Variants in PELI2 observed in about 807,000 individuals in gnomAD.
PELI2 encodes the protein pellino E3 ubiquitin protein ligase family member 2.
A neutral mutation model predicts 42.3 loss-of-function variants in PELI2; 23 were observed. The ratio of observed to expected loss-of-function variants is 0.54; its 90% CI spans 0.39 to 0.77. PELI2 has a LOEUF of 0.77. PELI2 is among the 30% of genes least tolerant of loss of function. The pLI is 0.00. For synonymous variants in PELI2, 245 were observed against 212.2 expected (o/e 1.15, Z -1.34); for missense variants, 463 against 553.2 (o/e 0.84, Z 1.64).
intron 2 of PELI2, among the ~76,000 whole-genome samples, chr14:56,252,373 C>G (rs1024723426): frequency 1.3e-5 from 2 of 152,112 alleles, no homozygotes; most frequent in Non-Finnish European, 2.9e-5. Flanking sequence ...CTACTGTAAC[C>G]CATTCTGTTA....
At position 56,118,648 on chromosome 14, in the gene PELI2, C is replaced by A; in HGVS notation, c.-13C>A. Reference sequence around the variant, plus strand: ...CGGCGTCGGCGGCGGCGTCGGCGGCCGAGCGGGGCTCCATGTTTTCCCCTG... The same window carrying A: ...CGGCGTCGGCGGCGGCGTCGGCGGCAGAGCGGGGCTCCATGTTTTCCCCTG... On this transcript the variant is annotated 5_prime_UTR_variant, in exon 1 of 6. Coordinates refer to ENST00000267460, the MANE Select transcript of PELI2 (RefSeq NM_021255.3). 1 of 1,394,494 alleles carries A rather than the reference C, an allele frequency of 7.2e-7. No individual in the cohort carries two copies. The highest frequency in any genetic ancestry group is 9.4e-7 in the Non-Finnish European group (1 of 1,067,996). The allele number at this position is 1,394,494 out of a possible 1,614,324, so 86.4% of individuals were successfully genotyped here.
At chr14:56,118,770 G>A in intron 1 of PELI2, 33 bp downstream of exon 1, 1 of 1,412,356 alleles carries the variant, frequency 7.1e-7, no homozygotes, top group East Asian at 3.0e-5. Flanking sequence ...CCGGGCAGCG[G>A]CGCGGGCGGG....
intron 2 of PELI2, among the ~76,000 whole-genome samples, chr14:56,269,911 A>C (rs1489471614): frequency 6.6e-6 from 1 of 152,196 alleles, no homozygotes; most frequent in African/African-American, 2.4e-5. Flanking sequence ...TGTTTTCCCA[A>C]CTATATTCAA....
chr14:56,152,041 C>G (rs1166984670), intron 1 of PELI2, among the ~76,000 whole-genome samples: 1 of 152,180 alleles, frequency 6.6e-6, no homozygotes, highest in East Asian at 1.9e-4. Context: ...AGAAGCTGCC[C>G]TGTCTCCAGT....
chr14:56,250,855 C>T (rs1481354621), intron 2 of PELI2, among the ~76,000 whole-genome samples: 2 of 152,160 alleles, frequency 1.3e-5, no homozygotes, highest in Non-Finnish European at 2.9e-5. Flanking sequence ...CAGTATTAAC[C>T]ATCACAGAAA....
intron 2 of PELI2, among the ~76,000 whole-genome samples, chr14:56,239,815 G>A (rs1887913283): frequency 6.6e-6 from 1 of 152,062 alleles, no homozygotes; most frequent in Admixed American, 6.5e-5. Context: ...TGGCTGTTGT[G>A]TGACTTTCAG....
In PELI2 at chr14:56,297,842, AT is replaced by A. The variant is rs1294932284; in HGVS notation, c.*680del. On this transcript the variant is annotated 3_prime_UTR_variant, in exon 6 of 6. Coordinates refer to ENST00000267460, the MANE Select transcript of PELI2 (RefSeq NM_021255.3). Reference sequence around the variant, plus strand: ...TCAAATACATGGGACTTCACAAACAATTTTCCATAACTTTTTAGCCTGTCTT... The same window carrying A: ...TCAAATACATGGGACTTCACAAACAATTTCCATAACTTTTTAGCCTGTCTT... The A allele has an allele frequency of 2.0e-5, 3 of 151,702 alleles. No homozygotes were observed. Among genetic ancestry groups the A allele is most frequent in the African/African-American group, 7.2e-5 (3 of 41,382 alleles). 9.4% of individuals were successfully genotyped at this position (151,702 alleles called of 1,614,324 possible).
intron 2 of PELI2, among the ~76,000 whole-genome samples, chr14:56,209,674 T>C (rs1253824594): frequency 6.6e-6 from 1 of 152,228 alleles, no homozygotes; most frequent in Non-Finnish European, 1.5e-5. Context: ...TTGGGGATTT[T>C]CCAGTCATTT....
chr14:56,123,200 G>T (rs1303601395), intron 1 of PELI2, among the ~76,000 whole-genome samples: 1 of 150,756 alleles, frequency 6.6e-6, no homozygotes, highest in African/African-American at 2.4e-5. Flanking sequence ...TTAAAAGCAG[G>T]TCCCACTTTC....
intron 2 of PELI2, among the ~76,000 whole-genome samples, chr14:56,228,967 G>A (rs1010816949): frequency 5.3e-5 from 8 of 152,210 alleles, no homozygotes; most frequent in Admixed American, 2.0e-4. Context: ...CACCTGGCTT[G>A]GGGGTCCCAC....
intron 2 of PELI2, among the ~76,000 whole-genome samples, chr14:56,276,959 G>A (rs1360901580): frequency 6.6e-6 from 1 of 152,142 alleles, no homozygotes; most frequent in Non-Finnish European, 1.5e-5. Context: ...GCAGTTTCCA[G>A]GTAATGTGAT....
chr14:56,207,351 G>A (rs924851288), intron 2 of PELI2, among the ~76,000 whole-genome samples: 1 of 151,962 alleles, frequency 6.6e-6, no homozygotes, highest in African/African-American at 2.4e-5. Flanking sequence ...TTATTTAATT[G>A]CTCCAACAGA....
intron 2 of PELI2, among the ~76,000 whole-genome samples, chr14:56,207,800 AG>A (rs908983105): frequency 2.6e-5 from 4 of 152,188 alleles, no homozygotes; most frequent in African/African-American, 7.2e-5. Flanking sequence ...CTGCATCCAC[AG>A]GGTTCACCAG....
At chr14:56,220,804 GA>G (rs1386437308) in intron 2 of PELI2, among the ~76,000 whole-genome samples, 1 of 152,118 alleles carries the variant, frequency 6.6e-6, no homozygotes, top group Non-Finnish European at 1.5e-5. Flanking sequence ...TAGGAAGGAG[GA>G]AATGCCGCGA....
Position 56,296,600 on chromosome 14 carries a change from G to A in PELI2, c.697G>A (p.Val233Met), listed in dbSNP as rs1191015533. Residue 233 changes from valine to methionine, a missense_variant and splice_region_variant, in exon 6 of 6, where the codon GTG becomes ATG. Physicochemically the swap from Val to Met is conservative, Grantham distance 21. This residue lies in a region of PELI2 where 343 missense variants were observed against 378.4 expected (regional missense o/e 0.91). Transcript: ENST00000267460. ...GGCATGTGTCTCAAACTTGTTGTAG[G>A]TGGAAAGTGAGACCAACGTCCTGCA... ...TRSAQQRGKL[V>M]ESETNVLQDG... 6.3e-7 allele frequency: 1 copy of A among 1,589,530 alleles called. No individual in the cohort carries two copies. The highest frequency in any genetic ancestry group is 1.8e-5 in the Admixed American group (1 of 57,100).
At chr14:56,286,736 T>G (rs1889657271) in intron 3 of PELI2, among the ~76,000 whole-genome samples, 1 of 152,022 alleles carries the variant, frequency 6.6e-6, no homozygotes, top group Non-Finnish European at 1.5e-5. Context: ...TTTGTTTTTT[T>G]GTTGTTTTTT....
At chr14:56,240,741 A>T (rs1004602962) in intron 2 of PELI2, among the ~76,000 whole-genome samples, 24 of 152,276 alleles carry the variant, frequency 1.6e-4, no homozygotes, top group African/African-American at 5.8e-4. Context: ...GCTCAGGCTC[A>T]GGTGGAATGC....
chr14:56,219,592 C>T lies in PELI2; in HGVS notation c.207+41128C>T, dbSNP rs1184149354. ...AAGAAAGGGTCTCTGAGCTGCCACA[C>T]ACTCATAAGAGGCCTCCTTAGTCCT... On this transcript the variant is annotated intron_variant, in intron 2 of 5. Transcript: ENST00000267460. This position sits in a 1 kb window ranked among gnomAD's most constrained non-coding sequence, Gnocchi z 4.1. 1.3e-5 allele frequency among the ~76,000 whole-genome samples: 2 copies of T among 152,188 alleles called. No homozygotes were observed. Among genetic ancestry groups the T allele is most frequent in the Non-Finnish European group, 2.9e-5 (2 of 68,042 alleles).
chr14:56,207,631 CA>C (rs1886566799), intron 2 of PELI2, among the ~76,000 whole-genome samples: 1 of 152,192 alleles, frequency 6.6e-6, no homozygotes, highest in Non-Finnish European at 1.5e-5. Flanking sequence ...TAGACCTACT[CA>C]GGGGAAGCAG....
Sources: gnomAD v4.1 joint callset for allele counts (sites outside exome capture counted in the v4.1 genomes callset) on GRCh38, gnomAD v4.1.1 for gene constraint, gnomAD v4.1.1 regional missense constraint, Gnocchi (gnomAD v3.1) non-coding constraint, MANE v1.5 for transcripts, NCBI Gene and HGNC (gene_info 2026-07-23, HGNC 2026-07-21) for gene names.